The following NKAIN3 variants were observed in gnomAD, a reference collection of about 807,000 sequenced individuals.
NKAIN3 encodes sodium/potassium-transporting ATPase subunit beta-1-interacting protein 3.
A neutral mutation model predicts 30.2 loss-of-function variants in NKAIN3; 25 were observed. The ratio of observed to expected loss-of-function variants is 0.83; its 90% confidence interval spans 0.60 to 1.16. The LOEUF (loss-of-function observed/expected upper bound fraction) is 1.16. Among genes scored for constraint, NKAIN3 ranks in the 50% most tolerant of loss-of-function variants. The pLI is 0.00. For synonymous variants in NKAIN3, 91 were observed against 89.6 expected, an observed-to-expected ratio of 1.02 and a Z score of -0.09; for missense variants, 225 against 254.1, an observed-to-expected ratio of 0.89 and a Z score of 0.78.
intron 5 of NKAIN3, among the ~76,000 whole-genome samples, chr8:62,992,818 T>A (rs1027882523): frequency 6.6e-6 from 1 of 150,422 alleles, no homozygotes; most frequent in Admixed American, 6.6e-5. Flanking sequence ...AAGGCAAGAT[T>A]TTTTTCTGGT....
intron 4 of NKAIN3, among the ~76,000 whole-genome samples, chr8:62,762,377 A>G (rs1816695457): frequency 6.6e-6 from 1 of 152,178 alleles, no homozygotes. Context: ...AACTCATTTG[A>G]ATACTGGGGC....
intron 4 of NKAIN3, among the ~76,000 whole-genome samples, chr8:62,800,185 C>CA (rs1438124898): frequency 1.3e-5 from 2 of 151,606 alleles, no homozygotes; most frequent in African/African-American, 2.4e-5. Flanking sequence ...ACCCGTTCCC[C>CA]AAAAAACCTA....
intron 1 of NKAIN3, among the ~76,000 whole-genome samples, chr8:62,318,538 C>T (rs1308978440): frequency 2.0e-5 from 3 of 152,158 alleles, no homozygotes; most frequent in Non-Finnish European, 2.9e-5. Flanking sequence ...GCCTTTTCTT[C>T]ATCTATTGAG....
At position 62,840,678 on chromosome 8, in the gene NKAIN3, C is replaced by T. The variant is rs530240450; in HGVS notation, c.472-77775C>T. On this transcript the variant is annotated intron_variant, in intron 4 of 6. Transcript: ENST00000623646. Reference sequence around the variant, plus strand: ...GCAAATATTACCAGATTGATTTCTCCAACCATTTTAATAGTATTACATACC... The same window carrying T: ...GCAAATATTACCAGATTGATTTCTCTAACCATTTTAATAGTATTACATACC... Among the ~76,000 whole-genome samples, 49 of 152,190 alleles carry T rather than the reference C, an allele frequency of 3.2e-4. No individual in the cohort carries two copies. The East Asian group carries it at 8.9e-3, about 28-fold the overall frequency.
At chr8:62,471,685 T>C (rs2129600054) in intron 1 of NKAIN3, among the ~76,000 whole-genome samples, 1 of 152,188 alleles carries the variant, frequency 6.6e-6, no homozygotes, top group African/African-American at 2.4e-5. Context: ...CTGGGCGCGG[T>C]GACTCACGTC....
intron 2 of NKAIN3, among the ~76,000 whole-genome samples, chr8:62,581,088 G>A (rs1810276068): frequency 8.0e-6 from 1 of 124,466 alleles, no homozygotes; most frequent in African/African-American, 3.5e-5. Flanking sequence ...AGGCAACAGA[G>A]AGAAACCTTG....
chr8:62,909,809 G>A (rs1821881751), intron 4 of NKAIN3, among the ~76,000 whole-genome samples: 1 of 152,082 alleles, frequency 6.6e-6, no homozygotes, highest in South Asian at 2.1e-4. Flanking sequence ...ATTATGGTTG[G>A]CAAATTCTGT....
chr8:62,710,526 A>G, intron 3 of NKAIN3, among the ~76,000 whole-genome samples: 1 of 152,152 alleles, frequency 6.6e-6, no homozygotes, highest in East Asian at 1.9e-4. Flanking sequence ...TTTACCTAAT[A>G]TAAGAATAGC....
chr8:62,823,167 A>G (rs1426104315), intron 4 of NKAIN3, among the ~76,000 whole-genome samples: 1 of 152,130 alleles, frequency 6.6e-6, no homozygotes, highest in Admixed American at 6.5e-5. Context: ...AACACTGTAC[A>G]CTTAGGCTAC....
intron 1 of NKAIN3, among the ~76,000 whole-genome samples, chr8:62,326,233 CTAT>C (rs1815122511): frequency 6.6e-5 from 10 of 151,786 alleles, no homozygotes; most frequent in African/African-American, 2.4e-4. Flanking sequence ...AGTGGTAAGG[CTAT>C]TCAATGAGGA....
chr8:62,711,703 T>G (rs527372879), intron 3 of NKAIN3, among the ~76,000 whole-genome samples: 8 of 152,344 alleles, frequency 5.3e-5, no homozygotes, highest in Admixed American at 1.3e-4. Context: ...CCCTCCCTGA[T>G]TAGCTTAATA....
chr8:62,931,460 C>A (rs997778145), intron 5 of NKAIN3, among the ~76,000 whole-genome samples: 4 of 152,136 alleles, frequency 2.6e-5, no homozygotes, highest in African/African-American at 4.8e-5. Context: ...CCTGTACTTT[C>A]TGAAATAGTA....
chr8:62,361,573 A>C (rs1816565735), intron 1 of NKAIN3, among the ~76,000 whole-genome samples: 1 of 152,244 alleles, frequency 6.6e-6, no homozygotes, highest in Non-Finnish European at 1.5e-5. Context: ...AACTACTGTT[A>C]ATAACTCAAT....
At chr8:62,685,207 G>T (rs1019352009) in intron 3 of NKAIN3, among the ~76,000 whole-genome samples, 11 of 152,146 alleles carry the variant, frequency 7.2e-5, no homozygotes, top group Non-Finnish European at 1.6e-4. Context: ...TTTCTCTGGG[G>T]AATATATAGT....
intron 1 of NKAIN3, chr8:62,383,645 C>G (rs1284439145): frequency 2.5e-6 from 1 of 407,858 alleles, no homozygotes; most frequent in East Asian, 7.1e-5. Flanking sequence ...TCAAACCATT[C>G]TTTTCTGGCA....
chr8:62,883,304 A>G (rs544980314), intron 4 of NKAIN3, among the ~76,000 whole-genome samples: 1 of 152,036 alleles, frequency 6.6e-6, no homozygotes, highest in East Asian at 1.9e-4. Context: ...TAAGTATTTC[A>G]TTTTATGGGG....
rs1291736808 is a variant in NKAIN3 at position 62,805,007 on chromosome 8, AC to A, written c.471+57879del. Among the ~76,000 whole-genome samples, 11 of 152,204 alleles carry A rather than the reference AC, an allele frequency of 7.2e-5. No individual in the cohort carries two copies. The South Asian group carries it at 1.0e-3, about 14-fold the overall frequency. ...TCACAATCATTCTTATACACCAATA[AC>A]AGACAAACATAGAGCCAAATCATGA... On this transcript the variant is annotated intron_variant, in intron 4 of 6. Transcript: ENST00000623646.
At chr8:62,487,988 C>T (rs1342276810) in intron 1 of NKAIN3, among the ~76,000 whole-genome samples, 1 of 152,174 alleles carries the variant, frequency 6.6e-6, no homozygotes, top group Non-Finnish European at 1.5e-5. Context: ...AGAAAGGTAA[C>T]TGGGCCACCA....
chr8:62,708,217 T>G (rs1297691523), intron 3 of NKAIN3, among the ~76,000 whole-genome samples: 2 of 152,160 alleles, frequency 1.3e-5, no homozygotes, highest in Non-Finnish European at 2.9e-5. Flanking sequence ...GGCTCTTTTT[T>G]GATACCATAT....
Sources: gnomAD v4.1 joint callset for allele counts (sites outside exome capture counted in the v4.1 genomes callset) on GRCh38, gnomAD v4.1.1 for gene constraint, MANE v1.5 for transcripts, NCBI Gene and HGNC (gene_info 2026-07-23, HGNC 2026-07-21) for gene names.